AARS1: variants seen among roughly 807,000 people sequenced by gnomAD.
AARS1 encodes alanine--tRNA ligase, cytoplasmic.
In AARS1, 72 loss-of-function variants were observed where a neutral mutation model predicts 108.9. The observed-to-expected ratio is 0.66, with a 90% CI of 0.55 to 0.80. AARS1 has a LOEUF of 0.80. Among genes scored for constraint, AARS1 ranks in the 30% least tolerant of loss-of-function variants. The probability of loss-of-function intolerance (pLI) is 0.00; values close to 1 mark genes in which losing one functional copy is unlikely to be tolerated. For synonymous variants in AARS1, 489 were observed against 465.7 expected (o/e 1.05, Z -0.64); for missense variants, 1,193 against 1,233.2 (o/e 0.97, Z 0.49).
chr16:70,274,059 G>C (rs934268274), intron 4 of AARS1, among the ~76,000 whole-genome samples: 1 of 151,332 alleles, frequency 6.6e-6, no homozygotes, highest in African/African-American at 2.4e-5. Context: ...TTTCCAGCTT[G>C]GTGTGGTGGC....
chr16:70,277,677 A>G (rs527491009), intron 2 of AARS1, among the ~76,000 whole-genome samples: 13 of 151,652 alleles, frequency 8.6e-5, no homozygotes, highest in Non-Finnish European at 1.5e-4. Flanking sequence ...TTGATGTATC[A>G]TTGTTATTTG....
chr16:70,285,987 C>T (rs1416435526), intron 1 of AARS1, among the ~76,000 whole-genome samples: 1 of 152,196 alleles, frequency 6.6e-6, no homozygotes, highest in African/African-American at 2.4e-5. Context: ...ATAATGAATG[C>T]ATACTATGTG....
rs746615745 is a variant in AARS1 at position 70,253,774 on chromosome 16, G to A, written c.2547C>T (p.Ile849=). ...KRVLEKTKQF[I]DSNPNQPLVI... ...CAAGAGGCTGGTTGGGGTTGCTGTC[G>A]ATGAACTGCTTCGTCTTCTCTAACA... The change falls in exon 19 of 21, where the codon ATC becomes ATT. Residue 849 remains isoleucine (I), a synonymous_variant. Transcript: ENST00000261772. The A allele has an allele frequency of 2.8e-5, 45 of 1,614,044 alleles. No homozygotes were observed. Among genetic ancestry groups the A allele is most frequent in the Middle Eastern group, 3.3e-4 (2 of 6,084 alleles).
intron 1 of AARS1, among the ~76,000 whole-genome samples, chr16:70,284,638 T>C (rs918281320): frequency 2.6e-5 from 4 of 152,106 alleles, no homozygotes; most frequent in African/African-American, 9.7e-5. Flanking sequence ...TCACAGATAT[T>C]ACGATTTCCC....
intron 9 of AARS1, among the ~76,000 whole-genome samples, chr16:70,267,082 C>T (rs1409766276): frequency 3.3e-5 from 5 of 152,088 alleles, no homozygotes; most frequent in South Asian, 4.2e-4. Context: ...GTGATCCGCC[C>T]GCCTCGGCAT....
At chr16:70,272,889 G>GACACACACATAC (rs1960443002) in intron 4 of AARS1, among the ~76,000 whole-genome samples, 1 of 140,280 alleles carries the variant, frequency 7.1e-6, no homozygotes, top group African/African-American at 2.8e-5. Context: ...CAGCCTGGGT[G>GACACACACATAC]ACACACACAC....
chr16:70,274,741 T>G (rs1363680218), intron 4 of AARS1, among the ~76,000 whole-genome samples: 68 of 32,988 alleles, frequency 2.1e-3, no homozygotes, highest in South Asian at 3.5e-3. Flanking sequence ...GGTGGGGGAG[T>G]GGAGTGGGGG....
chr16:70,257,950 C>A (rs1407191765), intron 15 of AARS1, 83 bp downstream of exon 15: 6 of 1,495,420 alleles, frequency 4.0e-6, no homozygotes, highest in South Asian at 2.3e-5. Context: ...CTTAGACAGA[C>A]AAGAGTTGGT....
At chr16:70,270,147 G>A (rs773667200) in intron 6 of AARS1, 49 bp downstream of exon 6, 26 of 1,609,230 alleles carry the variant, frequency 1.6e-5, no homozygotes, top group Non-Finnish European at 2.2e-5. Context: ...TAAGAGTACA[G>A]CCTGGAAAAC....
intron 2 of AARS1, 97 bp downstream of exon 2, chr16:70,282,523 A>G (rs1960726213): frequency 6.8e-7 from 1 of 1,467,224 alleles, no homozygotes; most frequent in Non-Finnish European, 9.5e-7. Flanking sequence ...AGGGAGTGAC[A>G]GAACCAGAAT....
At chr16:70,269,890 C>A in intron 6 of AARS1, 127 bp from the exon 7 acceptor site, 3 of 1,293,044 alleles carry the variant, frequency 2.3e-6, no homozygotes, top group South Asian at 2.4e-5. Context: ...GATCCTATAA[C>A]CCCAAGAACG....
intron 5 of AARS1, among the ~76,000 whole-genome samples, chr16:70,271,030 T>C (rs1463826009): frequency 6.6e-6 from 1 of 151,026 alleles, no homozygotes; most frequent in Admixed American, 6.6e-5. Context: ...CATGCACCTG[T>C]AACCCTAGCT....
intron 14 of AARS1, 62 bp downstream of exon 14, chr16:70,258,918 A>G (rs1597435711): frequency 1.3e-6 from 2 of 1,540,162 alleles, no homozygotes; most frequent in East Asian, 4.5e-5. Flanking sequence ...CCGCACTGCT[A>G]AGACTGTGGA....
Position 70,276,593 on chromosome 16 carries a change from T to C in AARS1, c.372A>G (p.Gln124=), listed in dbSNP as rs749482826. ...GTCTTTCAATGGGAATGCCAAACTC[T>C]TGGGTGAGGAGTTCCAGAGCCATCT... ...ACKMALELLT[Q]EFGIPIERLY... Residue 124 remains glutamine (Q), a synonymous_variant, in exon 4 of 21, where the codon CAA becomes CAG. Transcript: ENST00000261772. The C allele has an allele frequency of 1.9e-6, 3 of 1,614,004 alleles. No homozygotes were observed. The highest frequency in any genetic ancestry group is 2.7e-5 in the African/African-American group (2 of 74,922).
chr16:70,254,496 A>G (rs1268054139), intron 17 of AARS1, 125 bp downstream of exon 17: 5 of 738,116 alleles, frequency 6.8e-6, no homozygotes, highest in Admixed American at 2.0e-5. Context: ...ACAGGACAAC[A>G]GAAGTCAGCC....
In AARS1 at chr16:70,252,900, C is replaced by A. The variant is rs1218092159; in HGVS notation, c.2728G>T (p.Ala910Ser). The A allele has an allele frequency of 6.2e-7, 1 of 1,614,062 alleles. No homozygotes were observed. The highest frequency in any genetic ancestry group is 1.3e-5 in the African/African-American group (1 of 74,940). The change falls in exon 21 of 21, where the codon GCC (alanine) becomes TCC (serine). Residue 910 changes from alanine (A) to serine (S), a missense_variant. Transcript: ENST00000261772. Reference sequence around the variant, plus strand: ...TCGCTGGCTTTTAAGCCCCGATTGGCTGCATTCTAGAAGACAGGAAGGGAA... The same window carrying A: ...TCGCTGGCTTTTAAGCCCCGATTGGATGCATTCTAGAAGACAGGAAGGGAA... ...TCLCQVPQNA[A>S]NRGLKASEWV...
intron 7 of AARS1, among the ~76,000 whole-genome samples, chr16:70,268,676 C>T (rs1450303564): frequency 6.6e-6 from 1 of 152,182 alleles, no homozygotes; most frequent in African/African-American, 2.4e-5. Flanking sequence ...ATCCCAGGTC[C>T]TGCCTGTCAG....
chr16:70,261,019 TG>T (rs1567604001), intron 13 of AARS1, 24 bp downstream of exon 13: 1 of 1,545,222 alleles, frequency 6.5e-7, no homozygotes, highest in Admixed American at 1.7e-5. Flanking sequence ...CCAGATCCAA[TG>T]GGGGCCACAG....
chr16:70,287,254 CAAA>C (rs71151181), intron 1 of AARS1, among the ~76,000 whole-genome samples: 765 of 39,394 alleles, frequency 0.019, 9 homozygotes, highest in African/African-American at 0.069. Flanking sequence ...GACTCCGTCT[CAAA>C]AAAAAAAAAA....
Sources: gnomAD v4.1 joint callset for allele counts (sites outside exome capture counted in the v4.1 genomes callset) on GRCh38, gnomAD v4.1.1 for gene constraint, MANE v1.5 for transcripts, NCBI Gene and HGNC (gene_info 2026-07-23, HGNC 2026-07-21) for gene names.